The following C6 variants were observed in gnomAD, a reference collection of about 807,000 sequenced individuals.
C6 encodes the protein complement component C6.
Under a neutral mutation model 112.9 loss-of-function variants are expected in C6, and 101 were observed. The ratio of observed to expected loss-of-function variants is 0.89; its 90% confidence interval spans 0.76 to 1.06. C6 has a LOEUF of 1.06. Ranked by LOEUF, C6 falls within the 50% of genes least tolerant of loss-of-function variation. The probability of loss-of-function intolerance (pLI) is 0.00; values close to 1 mark genes in which losing one functional copy is unlikely to be tolerated. For missense variants in C6, 1,202 were observed against 1,104.6 expected (o/e 1.09, Z -1.25); for synonymous variants, 431 against 384.1 (o/e 1.12, Z -1.43).
intron 7 of C6, among the ~76,000 whole-genome samples, chr5:41,180,280 C>T (rs1749218011): frequency 6.6e-6 from 1 of 152,166 alleles, no homozygotes; most frequent in Admixed American, 6.5e-5. Context: ...TCCTCCCTCT[C>T]TAGTTCCATG....
At chr5:41,246,446 C>A (rs918915812) in intron 1 of C6, among the ~76,000 whole-genome samples, 5 of 152,140 alleles carry the variant, frequency 3.3e-5, no homozygotes, top group Non-Finnish European at 4.4e-5. Flanking sequence ...GAGTGCTGTT[C>A]TGATAAAAGC....
At chr5:41,260,452 C>CCG (rs1554038855) in intron 1 of C6, among the ~76,000 whole-genome samples, 1 of 148,908 alleles carries the variant, frequency 6.7e-6, no homozygotes, top group African/African-American at 2.5e-5. Context: ...AAATAAACCC[C>CCG]CCCCCAAAAC....
In C6 at chr5:41,201,720, A is replaced by G. The variant is rs1466170500; in HGVS notation, c.144-6T>C. On this transcript the variant is annotated splice_region_variant and splice_polypyrimidine_tract_variant and intron_variant, in intron 2 of 17. Transcript: ENST00000337836. ...ACTTATCTACTACTATTTGTCTGTA[A>G]CCATGAAGAAGAAGTTGCTTAGAAT... is the stretch of plus-strand genomic sequence containing the variant. 2 of 1,612,806 alleles carry G rather than the reference A, an allele frequency of 1.2e-6. No individual in the cohort carries two copies. The highest frequency in any genetic ancestry group is 2.7e-5 in the African/African-American group (2 of 74,832).
intron 4 of C6, among the ~76,000 whole-genome samples, chr5:41,199,126 G>A (rs1327800136): frequency 6.6e-6 from 1 of 152,150 alleles, no homozygotes; most frequent in Non-Finnish European, 1.5e-5. Flanking sequence ...GGGTTCCAAG[G>A]TCTTGGGTCA....
chr5:41,213,009 T>C (rs1752041880), intron 1 of C6: 1 of 152,112 alleles, frequency 6.6e-6, no homozygotes, highest in Non-Finnish European at 1.5e-5. Flanking sequence ...TCTTATTATT[T>C]TTTTCTGTGC....
intron 1 of C6, among the ~76,000 whole-genome samples, chr5:41,248,524 A>C (rs144825864): frequency 1.3e-5 from 2 of 152,382 alleles, no homozygotes; most frequent in African/African-American, 4.8e-5. Flanking sequence ...ACATGAACAG[A>C]CATTTCTGAA....
At chr5:41,260,457 C>CCA (rs1554038844) in intron 1 of C6, among the ~76,000 whole-genome samples, 1 of 147,336 alleles carries the variant, frequency 6.8e-6, no homozygotes, top group Non-Finnish European at 1.5e-5. Context: ...AACCCCCCCC[C>CCA]AAAACAAACA....
intron 1 of C6, among the ~76,000 whole-genome samples, chr5:41,258,531 A>G (rs1041138191): frequency 2.6e-5 from 4 of 152,180 alleles, no homozygotes; most frequent in Non-Finnish European, 5.9e-5. Context: ...CCAGTCATTT[A>G]AGTGTTTTGA....
chr5:41,228,539 T>A (rs1328713523), intron 1 of C6, among the ~76,000 whole-genome samples: 1 of 152,150 alleles, frequency 6.6e-6, no homozygotes, highest in African/African-American at 2.4e-5. Context: ...TCCTAATTGT[T>A]GAGAAAAAGC....
intron 1 of C6, among the ~76,000 whole-genome samples, chr5:41,231,809 A>G (rs1013562785): frequency 7.2e-5 from 11 of 151,900 alleles, no homozygotes; most frequent in Non-Finnish European, 5.9e-5. Flanking sequence ...AATGATAGAC[A>G]CTGTGTGTGA....
chr5:41,212,637 A>G (rs1314404542), intron 1 of C6, among the ~76,000 whole-genome samples: 4 of 152,180 alleles, frequency 2.6e-5, no homozygotes, highest in Non-Finnish European at 5.9e-5. Context: ...ACAAACATAG[A>G]ATAAAAGAAT....
chr5:41,249,421 A>G (rs980303514), intron 1 of C6, among the ~76,000 whole-genome samples: 7 of 152,234 alleles, frequency 4.6e-5, no homozygotes, highest in African/African-American at 1.7e-4. Context: ...AAATGATAGT[A>G]GAACTGTTAT....
rs148061312 is a variant in C6 at position 41,253,674 on chromosome 5, T to A, written c.-21+7520A>T. Among the ~76,000 whole-genome samples, 4 of 152,300 alleles carry A rather than the reference T, an allele frequency of 2.6e-5. No homozygotes were observed. In the East Asian group the frequency reaches 5.8e-4, roughly 22 times the overall value. ...TATTTAGCTTGTTTTTAGGTTATTT[T>A]GGATTGTCCTTGTTACGCTTTCTTG... is the stretch of plus-strand genomic sequence containing the variant. On this transcript the variant is annotated intron_variant, in intron 1 of 17. Transcript: ENST00000263413.
chr5:41,231,463 A>G (rs907494903), intron 1 of C6, among the ~76,000 whole-genome samples: 1 of 152,162 alleles, frequency 6.6e-6, no homozygotes, highest in Non-Finnish European at 1.5e-5. Flanking sequence ...TTTTTAACTG[A>G]TGACAGCTTA....
intron 1 of C6, among the ~76,000 whole-genome samples, chr5:41,242,210 G>C (rs1157931381): frequency 6.6e-6 from 1 of 152,128 alleles, no homozygotes; most frequent in Non-Finnish European, 1.5e-5. Context: ...TCAAGGGTGG[G>C]ACCAAGGGTA....
chr5:41,161,927 C>T, intron 9 of C6, 68 bp from the exon 10 acceptor site: 3 of 1,496,772 alleles, frequency 2.0e-6, no homozygotes, highest in Non-Finnish European at 2.8e-6. Flanking sequence ...AACAAACAAA[C>T]AAAAACCTAT....
At chr5:41,244,086 T>C (rs1427448804) in intron 1 of C6, among the ~76,000 whole-genome samples, 2 of 152,164 alleles carry the variant, frequency 1.3e-5, no homozygotes, top group African/African-American at 4.8e-5. Context: ...GAAAACATAA[T>C]CTAATATTAA....
chr5:41,225,418 T>G (rs1369524966), intron 1 of C6, among the ~76,000 whole-genome samples: 1 of 152,230 alleles, frequency 6.6e-6, no homozygotes, highest in East Asian at 1.9e-4. Flanking sequence ...TACGGCTGCA[T>G]AGTATTCCAT....
At chr5:41,193,646 T>G (rs1474325056) in intron 5 of C6, among the ~76,000 whole-genome samples, 1 of 152,144 alleles carries the variant, frequency 6.6e-6, no homozygotes, top group Non-Finnish European at 1.5e-5. Flanking sequence ...TAAGCCTGGG[T>G]AAAAACAAAT....
Sources: allele counts gnomAD v4.1 joint callset (sites outside exome capture counted in the v4.1 genomes callset), GRCh38; gene constraint gnomAD v4.1.1; transcripts MANE v1.5; gene names NCBI Gene and HGNC (gene_info 2026-07-23, HGNC 2026-07-21).